The following DDX17 variants were observed in gnomAD, a reference collection of about 807,000 sequenced individuals.
DDX17 encodes DEAD-box helicase 17.
Under a neutral mutation model 80.8 loss-of-function variants are expected in DDX17, and 10 were observed. The ratio of observed to expected loss-of-function variants is 0.12; its 90% CI spans 0.08 to 0.21. DDX17 has a LOEUF of 0.21. Ranked by LOEUF, DDX17 falls within the 10% of genes least tolerant of loss-of-function variation. The probability of loss-of-function intolerance (pLI) is 1.00; values close to 1 mark genes in which losing one functional copy is unlikely to be tolerated. For synonymous variants in DDX17, 339 were observed against 336.2 expected, an observed-to-expected ratio of 1.01 and a Z score of -0.09; for missense variants, 586 against 957.4, an observed-to-expected ratio of 0.61 and a Z score of 5.12.
chr22:38,489,253 G>C lies in DDX17; in HGVS notation c.1448-1138C>G, dbSNP rs1399346614. On this transcript the variant is annotated intron_variant, in intron 11 of 12. Coordinates refer to ENST00000403230, the MANE Select transcript of DDX17 (RefSeq NM_006386.5). This position sits in a 1 kb window ranked among gnomAD's most constrained non-coding sequence, Gnocchi z 4.6. ...CGATGCACACTCCCTCCTCCTTTGG[G>C]AAACCGCTGCAGCCGATCCCGTCTC... 30 of 985,726 alleles carry C rather than the reference G, an allele frequency of 3.0e-5. No individual in the cohort carries two copies. The highest frequency in any genetic ancestry group is 2.3e-4 in the East Asian group (2 of 8,816). 61.1% of individuals were successfully genotyped at this position (985,726 alleles called of 1,614,324 possible).
chr22:38,493,202 G>C (rs1042610217), intron 10 of DDX17, among the ~76,000 whole-genome samples: 1 of 151,980 alleles, frequency 6.6e-6, no homozygotes, highest in Non-Finnish European at 1.5e-5. Flanking sequence ...TTATCTCTTT[G>C]AGACAGGGTC....
rs755735150 is a variant in DDX17 at position 38,486,100 on chromosome 22, A to G, written c.2025T>C (p.Ser675=). 1 of 1,614,164 alleles carries G rather than the reference A, an allele frequency of 6.2e-7. No individual in the cohort carries two copies. Among genetic ancestry groups the G allele is most frequent in the East Asian group, 2.2e-5 (1 of 44,882 alleles). Residue 675 remains serine (S), a synonymous_variant, in exon 13 of 13, where the codon TCT becomes TCC. Transcript: ENST00000403230. ...GGCCTATCCCACTAAACTGCTGGCTAGAGCTCTGTGAACTTCTCCCAGTTG... is the reference window on the plus strand; with the variant it reads ...GGCCTATCCCACTAAACTGCTGGCTGGAGCTCTGTGAACTTCTCCCAGTTG...
chr22:38,494,847 C>T, intron 7 of DDX17, 39 bp downstream of exon 7: 3 of 1,613,750 alleles, frequency 1.9e-6, no homozygotes, highest in Non-Finnish European at 2.5e-6. Flanking sequence ...GGAACTTGGA[C>T]AAATGGCATA....
Position 38,485,959 on chromosome 22 carries a change from G to C in DDX17, c.2166C>G (p.Pro722=). Residue 722 remains proline (P), a synonymous_variant, in exon 13 of 13, where the codon CCC becomes CCG. Transcript: ENST00000403230. ...TTCATTTACGTGAAGGAGGAGGAGG[G>C]GGAGGAGGAGGAGGGTATTGGTAGG... The C allele has an allele frequency of 1.2e-6, 2 of 1,613,692 alleles. No individual in the cohort carries two copies. The highest frequency in any genetic ancestry group is 1.7e-6 in the Non-Finnish European group (2 of 1,179,882).
intron 11 of DDX17, 34 bp downstream of exon 11, chr22:38,492,022 T>A (rs202184195): frequency 6.0e-6 from 9 of 1,495,492 alleles, no homozygotes; most frequent in Non-Finnish European, 7.3e-6. Context: ...AAAAGATACA[T>A]ATACCATTGA....
At chr22:38,492,245 C>A in intron 10 of DDX17, 130 bp from the exon 11 acceptor site, 1 of 664,264 alleles carries the variant, frequency 1.5e-6, no homozygotes, top group Non-Finnish European at 2.5e-6. Flanking sequence ...GACAGTGATT[C>A]TTTTGAAAAT....
At chr22:38,504,365 A>G (rs2089859310) in intron 1 of DDX17, among the ~76,000 whole-genome samples, 1 of 152,192 alleles carries the variant, frequency 6.6e-6, no homozygotes, top group Admixed American at 6.5e-5. Flanking sequence ...TGTTAGCACG[A>G]ATGCTGGTAT....
At chr22:38,501,050 C>A in intron 2 of DDX17, 80 bp downstream of exon 2, 2 of 1,470,170 alleles carry the variant, frequency 1.4e-6, no homozygotes, top group South Asian at 1.4e-5. Context: ...AAAACGGCAA[C>A]AGTAGCGTAT....
intron 10 of DDX17, chr22:38,493,492 A>G: frequency 1.9e-6 from 1 of 537,770 alleles, no homozygotes; most frequent in East Asian, 3.2e-5. Flanking sequence ...TGCCCAGTCC[A>G]GGCCACTTCT....
chr22:38,502,953 T>C (rs2089845150), intron 1 of DDX17, among the ~76,000 whole-genome samples: 1 of 152,248 alleles, frequency 6.6e-6, no homozygotes, highest in Non-Finnish European at 1.5e-5. Context: ...ATTAGAACTC[T>C]GGCTTAACCA....
chr22:38,505,682 G>T, intron 1 of DDX17: 1 of 433,968 alleles, frequency 2.3e-6, no homozygotes, highest in Non-Finnish European at 4.0e-6. Context: ...CGCCCCTCCC[G>T]ATCCCCCGCG....
At chr22:38,498,634 TAAAA>T in intron 3 of DDX17, 61 bp from the exon 4 acceptor site, 1 of 1,578,172 alleles carries the variant, frequency 6.3e-7, no homozygotes, top group Non-Finnish European at 8.7e-7. Flanking sequence ...CAAGAGTTTT[TAAAA>T]AAACTTTTAA....
At position 38,489,005 on chromosome 22, in the gene DDX17, A is replaced by C; in HGVS notation, c.1448-890T>G. 1 of 985,414 alleles carries C rather than the reference A, an allele frequency of 1.0e-6. No homozygotes were observed. The highest frequency in any genetic ancestry group is 1.2e-6 in the Non-Finnish European group (1 of 829,924). 61.0% of individuals were successfully genotyped at this position (985,414 alleles called of 1,614,324 possible). Reference sequence around the variant, plus strand: ...CTCTCTACTGCTGGGAATTGGGCTGAATAACCTCCTAAGGCTTAAAATGTA... The same window carrying C: ...CTCTCTACTGCTGGGAATTGGGCTGCATAACCTCCTAAGGCTTAAAATGTA... On this transcript the variant is annotated intron_variant, in intron 11 of 12. Transcript: ENST00000403230. This position sits in a 1 kb window ranked among gnomAD's most constrained non-coding sequence, Gnocchi z 4.6.
intron 1 of DDX17, among the ~76,000 whole-genome samples, chr22:38,503,601 A>G (rs913234964): frequency 6.6e-6 from 1 of 152,246 alleles, no homozygotes; most frequent in African/African-American, 2.4e-5. Context: ...TTTTGAGCAT[A>G]TCCATGCCAT....
chr22:38,497,801 A>C (rs532466334), intron 5 of DDX17, among the ~76,000 whole-genome samples: 9 of 151,982 alleles, frequency 5.9e-5, no homozygotes, highest in East Asian at 5.8e-4. Flanking sequence ...AACAAAAAAA[A>C]CCACACCAAA....
At chr22:38,501,348 T>A in intron 1 of DDX17, 68 bp from the exon 2 acceptor site, 1 of 1,515,532 alleles carries the variant, frequency 6.6e-7, no homozygotes, top group Non-Finnish European at 8.8e-7. Flanking sequence ...GCCATAAGAA[T>A]ATTCAAAAAG....
At chr22:38,498,684 T>TC in intron 3 of DDX17, 111 bp from the exon 4 acceptor site, 1 of 1,184,960 alleles carries the variant, frequency 8.4e-7, no homozygotes, top group South Asian at 1.4e-5. Context: ...GCTTCATCTC[T>TC]CCAAAGTGCT....
intron 5 of DDX17, 41 bp from the exon 6 acceptor site, chr22:38,495,978 T>TAA (rs1569140270): frequency 2.7e-6 from 3 of 1,119,192 alleles, no homozygotes; most frequent in Non-Finnish European, 2.3e-6. Flanking sequence ...CATCCAAGGT[T>TAA]TAAAAAAAAA....
rs971087171 is a variant in DDX17 at position 38,484,325 on chromosome 22, A to G, written c.*1610T>C. On this transcript the variant is annotated 3_prime_UTR_variant, in exon 13 of 13. Transcript: ENST00000403230. Reference sequence around the variant, plus strand: ...AAGATGTCAAAGTTTTTACATGCATATATTTCAGCTTATGCTGAAGACCTA... The same window carrying G: ...AAGATGTCAAAGTTTTTACATGCATGTATTTCAGCTTATGCTGAAGACCTA... 9 of 152,550 alleles carry G rather than the reference A, an allele frequency of 5.9e-5. No individual in the cohort carries two copies. The highest frequency in any genetic ancestry group is 1.9e-4 in the East Asian group (1 of 5,192). The allele number at this position is 152,550 out of a possible 1,614,324, so 9.4% of individuals were successfully genotyped here. A position where few individuals can be genotyped will look rare whatever the true frequency, so the allele number is the denominator to read the frequency against.
Sources: allele counts gnomAD v4.1 joint callset (sites outside exome capture counted in the v4.1 genomes callset), GRCh38; gene constraint gnomAD v4.1.1; non-coding constraint Gnocchi (gnomAD v3.1); transcripts MANE v1.5; gene names NCBI Gene and HGNC (gene_info 2026-07-23, HGNC 2026-07-21).